Variants in NFIA observed in about 807,000 individuals in gnomAD.
NFIA encodes nuclear factor I A.
A neutral mutation model predicts 62.8 loss-of-function variants in NFIA; 8 were observed. The ratio of observed to expected loss-of-function variants is 0.13; its 90% confidence interval spans 0.07 to 0.23. The LOEUF (loss-of-function observed/expected upper bound fraction) is 0.23. Among genes scored for constraint, NFIA ranks in the 10% least tolerant of loss-of-function variants. The probability of loss-of-function intolerance (pLI) is 1.00; values close to 1 mark genes in which losing one functional copy is unlikely to be tolerated. For synonymous variants in NFIA, 235 were observed against 238.1 expected, an observed-to-expected ratio of 0.99 and a Z score of 0.12; for missense variants, 410 against 642.1, an observed-to-expected ratio of 0.64 and a Z score of 3.91.
intron 2 of NFIA, among the ~76,000 whole-genome samples, chr1:61,192,655 A>G (rs927557727): frequency 6.6e-6 from 1 of 151,934 alleles, no homozygotes; most frequent in Non-Finnish European, 1.5e-5. Context: ...GTGAGCCGAG[A>G]TCGTGCCATT....
chr1:61,188,454 A>G (rs991279559), intron 2 of NFIA, among the ~76,000 whole-genome samples: 7 of 152,114 alleles, frequency 4.6e-5, no homozygotes, highest in Non-Finnish European at 7.4e-5. Context: ...GTTCTATTTT[A>G]GCTTGAAAAA....
intron 7 of NFIA, among the ~76,000 whole-genome samples, chr1:61,400,894 A>T (rs1298787428): frequency 1.3e-5 from 2 of 152,246 alleles, no homozygotes; most frequent in Non-Finnish European, 1.5e-5. Flanking sequence ...TGAAGAGAGA[A>T]AACAAGAAAT....
intron 2 of NFIA, among the ~76,000 whole-genome samples, chr1:61,185,215 A>T (rs1651082017): frequency 6.6e-6 from 1 of 152,180 alleles, no homozygotes; most frequent in Non-Finnish European, 1.5e-5. Flanking sequence ...ATGTAAGCCC[A>T]CTATACCTGT....
Position 61,458,627 on chromosome 1 carries a change from T to C in NFIA, c.*3307T>C, listed in dbSNP as rs1192096335. ...ATAAAGGCAGCGTTCATAGAATTGCTTTTCTTTCTTTTTACCCCCCCTTTG... is the reference window on the plus strand; with the variant it reads ...ATAAAGGCAGCGTTCATAGAATTGCCTTTCTTTCTTTTTACCCCCCCTTTG... On this transcript the variant is annotated 3_prime_UTR_variant, in exon 11 of 11. Transcript: ENST00000403491. 6.6e-6 allele frequency: 1 copy of C among 152,076 alleles called. No homozygotes were observed. Among genetic ancestry groups the C allele is most frequent in the Non-Finnish European group, 1.5e-5 (1 of 67,994 alleles). 9.4% of individuals were successfully genotyped at this position (152,076 alleles called of 1,614,324 possible).
At chr1:61,194,810 T>C (rs1344292763) in intron 2 of NFIA, among the ~76,000 whole-genome samples, 1 of 152,172 alleles carries the variant, frequency 6.6e-6, no homozygotes, top group Non-Finnish European at 1.5e-5. Context: ...TTCCTGGCCT[T>C]CCATTGACAG....
At chr1:61,407,806 T>C (rs912213987) in intron 9 of NFIA, among the ~76,000 whole-genome samples, 1 of 152,074 alleles carries the variant, frequency 6.6e-6, no homozygotes, top group Non-Finnish European at 1.5e-5. Flanking sequence ...CAGTAATAGG[T>C]GTAGAATGGA....
intron 6 of NFIA, among the ~76,000 whole-genome samples, chr1:61,370,908 G>A (rs118094524): frequency 7.2e-5 from 11 of 152,156 alleles, no homozygotes; most frequent in Admixed American, 3.3e-4. Context: ...GTGCACTCAC[G>A]TCATTAGAAA....
intron 6 of NFIA, among the ~76,000 whole-genome samples, chr1:61,377,420 G>A (rs1056036611): frequency 6.6e-6 from 1 of 152,076 alleles, no homozygotes; most frequent in Non-Finnish European, 1.5e-5. Context: ...GCTTCCAGTT[G>A]CCTTTAAGCC....
chr1:61,113,234 T>C (rs571805814), intron 2 of NFIA, among the ~76,000 whole-genome samples: 3 of 152,144 alleles, frequency 2.0e-5, no homozygotes, highest in East Asian at 3.9e-4. Context: ...ATCCTAGATA[T>C]ACAGTGTAGA....
At chr1:61,159,744 C>G (rs932432027) in intron 2 of NFIA, among the ~76,000 whole-genome samples, 1 of 143,758 alleles carries the variant, frequency 7.0e-6, no homozygotes, top group Non-Finnish European at 1.5e-5. Context: ...TGCAGTGGCT[C>G]GATCTCGGCT....
At chr1:61,352,637 C>T (rs1199071859) in intron 5 of NFIA, 70 bp downstream of exon 5, 3 of 1,217,446 alleles carry the variant, frequency 2.5e-6, no homozygotes, top group Non-Finnish European at 3.6e-6. Flanking sequence ...ACTCTGGGCC[C>T]ACTATGGATT....
chr1:61,418,563 A>G (rs900595000), intron 9 of NFIA, among the ~76,000 whole-genome samples: 1 of 152,154 alleles, frequency 6.6e-6, no homozygotes. Context: ...ATAATTGATC[A>G]TGATATATGT....
At chr1:61,405,305 T>C (rs1665762900) in intron 8 of NFIA, among the ~76,000 whole-genome samples, 1 of 152,240 alleles carries the variant, frequency 6.6e-6, no homozygotes, top group Non-Finnish European at 1.5e-5. Flanking sequence ...GCTTGGCTTA[T>C]TCTAAAGCAT....
intron 3 of NFIA, among the ~76,000 whole-genome samples, chr1:61,287,269 G>A (rs766510822): frequency 2.0e-5 from 3 of 152,170 alleles, no homozygotes; most frequent in Admixed American, 6.5e-5. Context: ...ATGAGACTCT[G>A]ATTTGTCATG....
At chr1:61,371,978 C>T (rs1472585265) in intron 6 of NFIA, among the ~76,000 whole-genome samples, 3 of 151,984 alleles carry the variant, frequency 2.0e-5, no homozygotes, top group Non-Finnish European at 4.4e-5. Flanking sequence ...GCTAGCAACC[C>T]GTTCTGATTG....
intron 6 of NFIA, among the ~76,000 whole-genome samples, chr1:61,365,958 A>C (rs2100455474): frequency 6.6e-6 from 1 of 152,338 alleles, no homozygotes; most frequent in South Asian, 2.1e-4. Context: ...AGAGCTGTTA[A>C]ATCTGGAGAA....
chr1:61,358,180 C>T (rs1663064639), intron 5 of NFIA, among the ~76,000 whole-genome samples: 1 of 151,994 alleles, frequency 6.6e-6, no homozygotes, highest in Non-Finnish European at 1.5e-5. Flanking sequence ...CTCTTGTTCT[C>T]AGGGGACAGA....
At position 61,278,764 on chromosome 1, in the gene NFIA, T is replaced by C. The variant is rs573120589; in HGVS notation, c.625+1179T>C. Among the ~76,000 whole-genome samples, 9 of 151,928 alleles carry C rather than the reference T, an allele frequency of 5.9e-5. No individual in the cohort carries two copies. In the East Asian group the frequency reaches 7.8e-4, roughly 13 times the overall value. On this transcript the variant is annotated intron_variant, in intron 3 of 10. Coordinates refer to ENST00000403491, the MANE Select transcript of NFIA (RefSeq NM_001134673.4). ...TGAGATTGCGCCACTGCACTCTAGC[T>C]CTGGGCAACAGAGCAGAACATCTCA...
At chr1:61,332,376 A>T in intron 3 of NFIA, 136 bp from the exon 4 acceptor site, 1 of 757,326 alleles carries the variant, frequency 1.3e-6, no homozygotes, top group Non-Finnish European at 2.1e-6. Context: ...GTGCCCTCCC[A>T]CATAAACCCC....
Sources: allele counts gnomAD v4.1 joint callset (sites outside exome capture counted in the v4.1 genomes callset), GRCh38; gene constraint gnomAD v4.1.1; transcripts MANE v1.5; gene names NCBI Gene and HGNC (gene_info 2026-07-23, HGNC 2026-07-21).